The following ANKRD44 variants were observed in gnomAD, a reference collection of about 807,000 sequenced individuals.
ANKRD44 encodes the protein serine/threonine-protein phosphatase 6 regulatory ankyrin repeat subunit B.
ANKRD44 carries 35 observed loss-of-function variants against 116.0 expected under a neutral mutation model. That is an observed-to-expected ratio of 0.30 (90% CI 0.23 to 0.40). The LOEUF (loss-of-function observed/expected upper bound fraction) is 0.40. Ranked by LOEUF, ANKRD44 falls within the 10% of genes least tolerant of loss-of-function variation. The pLI is 1.00. For synonymous variants in ANKRD44, 435 were observed against 461.8 expected (o/e 0.94, Z 0.74); for missense variants, 1,014 against 1,242.6 (o/e 0.82, Z 2.77).
chr2:196,996,064 C>T (rs910552129), intron 25 of ANKRD44, among the ~76,000 whole-genome samples: 25 of 152,198 alleles, frequency 1.6e-4, no homozygotes, highest in African/African-American at 5.6e-4. Context: ...GTCAGAGACT[C>T]TTACAATTTC....
At chr2:197,052,386 C>A (rs867382271) in intron 16 of ANKRD44, among the ~76,000 whole-genome samples, 1 of 152,048 alleles carries the variant, frequency 6.6e-6, no homozygotes, top group African/African-American at 2.4e-5. Flanking sequence ...AAATACCTTC[C>A]GTGTTGTGAC....
chr2:197,181,402 G>A (rs957048633), intron 2 of ANKRD44, among the ~76,000 whole-genome samples: 1 of 152,144 alleles, frequency 6.6e-6, no homozygotes, highest in East Asian at 1.9e-4. Flanking sequence ...TTCTATTAAT[G>A]ATACTTTAAA....
chr2:197,082,650 C>A (rs2077824807), intron 14 of ANKRD44, among the ~76,000 whole-genome samples: 1 of 152,174 alleles, frequency 6.6e-6, no homozygotes, highest in Non-Finnish European at 1.5e-5. Flanking sequence ...ACAAGAGAAG[C>A]AATTACCACT....
At chr2:197,087,407 G>A (rs757937320) in intron 12 of ANKRD44, among the ~76,000 whole-genome samples, 4 of 152,098 alleles carry the variant, frequency 2.6e-5, no homozygotes, top group Non-Finnish European at 5.9e-5. Flanking sequence ...CCTATTAAAG[G>A]GCATGTAGCT....
chr2:197,097,397 A>T (rs2078185839), intron 10 of ANKRD44, among the ~76,000 whole-genome samples: 1 of 152,208 alleles, frequency 6.6e-6, no homozygotes, highest in African/African-American at 2.4e-5. Context: ...AGCATTTATT[A>T]TCTCTATCTT....
At chr2:197,176,722 A>C (rs2080372497) in intron 2 of ANKRD44, among the ~76,000 whole-genome samples, 1 of 152,086 alleles carries the variant, frequency 6.6e-6, no homozygotes, top group African/African-American at 2.4e-5. Context: ...AGAAAGTACA[A>C]AGTGAGAAAC....
In ANKRD44 at chr2:197,007,796, A is replaced by G. The variant is rs1457253844; in HGVS notation, c.2130+10T>C. ...AATTGCTTGACTAGAGCTGAGAAAG[A>G]TGTACATACCCCTCTGTGTAAAGCT... On this transcript the variant is annotated intron_variant, in intron 20 of 27. Coordinates refer to ENST00000282272, the MANE Select transcript of ANKRD44 (RefSeq NM_001195144.2). 6.3e-7 allele frequency: 1 copy of G among 1,580,816 alleles called. No homozygotes were observed. The highest frequency in any genetic ancestry group is 1.1e-5 in the South Asian group (1 of 88,738).
At chr2:197,152,605 T>C (rs150917747) in intron 2 of ANKRD44, among the ~76,000 whole-genome samples, 31 of 152,330 alleles carry the variant, frequency 2.0e-4, no homozygotes, top group African/African-American at 6.3e-4. Flanking sequence ...GCTGTCTGTT[T>C]ACCAAAGAAG....
chr2:197,198,392 T>C (rs2081010278), intron 1 of ANKRD44, among the ~76,000 whole-genome samples: 1 of 152,172 alleles, frequency 6.6e-6, no homozygotes, highest in Admixed American at 6.5e-5. Flanking sequence ...TGGAGTGTCA[T>C]AACAAGTTAG....
At chr2:197,226,153 A>C (rs1284681187) in intron 1 of ANKRD44, among the ~76,000 whole-genome samples, 1 of 152,232 alleles carries the variant, frequency 6.6e-6, no homozygotes, top group East Asian at 1.9e-4. Flanking sequence ...TGTGTCATCT[A>C]TAAATCCCTT....
At chr2:197,260,291 T>A (rs562458875) in intron 1 of ANKRD44, among the ~76,000 whole-genome samples, 16 of 152,300 alleles carry the variant, frequency 1.1e-4, no homozygotes, top group African/African-American at 3.6e-4. Flanking sequence ...TGTCCATGTG[T>A]TCTCATTGTT....
At chr2:197,008,869 T>C in intron 19 of ANKRD44, 75 bp downstream of exon 19, 2 of 1,308,106 alleles carry the variant, frequency 1.5e-6, no homozygotes, top group South Asian at 2.4e-5. Context: ...GTCAGCCTTG[T>C]AATGATTTAA....
chr2:197,231,348 G>T (rs2081858226), intron 1 of ANKRD44, among the ~76,000 whole-genome samples: 1 of 152,068 alleles, frequency 6.6e-6, no homozygotes, highest in Non-Finnish European at 1.5e-5. Flanking sequence ...GAAGTTCATT[G>T]AGCCCAAGAA....
intron 1 of ANKRD44, among the ~76,000 whole-genome samples, chr2:197,211,851 CA>C (rs1471993283): frequency 6.6e-6 from 1 of 151,826 alleles, no homozygotes; most frequent in Non-Finnish European, 1.5e-5. Flanking sequence ...CGACGCAGCA[CA>C]AAGAAGCCCC....
In ANKRD44 at chr2:197,005,920, T is replaced by G. The variant is rs771287299; in HGVS notation, c.2131-10A>C. 1 of 1,613,558 alleles carries G rather than the reference T, an allele frequency of 6.2e-7. No individual in the cohort carries two copies. Among genetic ancestry groups the G allele is most frequent in the South Asian group, 1.1e-5 (1 of 91,076 alleles). On this transcript the variant is annotated splice_polypyrimidine_tract_variant and intron_variant, in intron 20 of 27. Transcript: ENST00000282272. ...CGTGTCCTGTCATAATCTGATGCAT[T>G]GTAATTAAAAACACAAAACAAACCT...
At chr2:197,255,660 A>G (rs973783641) in intron 1 of ANKRD44, among the ~76,000 whole-genome samples, 9 of 152,264 alleles carry the variant, frequency 5.9e-5, no homozygotes, top group Admixed American at 2.0e-4. Context: ...AGGCTGTTAC[A>G]TGCTTTGCTG....
intron 1 of ANKRD44, among the ~76,000 whole-genome samples, chr2:197,259,356 C>T (rs2082536835): frequency 2.0e-5 from 3 of 152,166 alleles, no homozygotes; most frequent in Non-Finnish European, 4.4e-5. Flanking sequence ...GCAACAGACT[C>T]AACCTTAAGA....
chr2:197,136,779 T>C, intron 3 of ANKRD44, 117 bp from the exon 4 acceptor site: 1 of 805,426 alleles, frequency 1.2e-6, no homozygotes, highest in Non-Finnish European at 2.1e-6. Context: ...CCTCTTCTTT[T>C]CTTTGTATTA....
intron 16 of ANKRD44, among the ~76,000 whole-genome samples, chr2:197,060,205 A>G (rs1315302930): frequency 1.3e-5 from 2 of 152,234 alleles, no homozygotes; most frequent in East Asian, 3.8e-4. Context: ...TCCCACTGAG[A>G]TAGTAAGCTC....
Sources: allele counts gnomAD v4.1 joint callset (sites outside exome capture counted in the v4.1 genomes callset), GRCh38; gene constraint gnomAD v4.1.1; transcripts MANE v1.5; gene names NCBI Gene and HGNC (gene_info 2026-07-23, HGNC 2026-07-21).